SLC36A1: variants seen among roughly 807,000 people sequenced by gnomAD.
SLC36A1 encodes the protein solute carrier family 36 member 1.
Under a neutral mutation model 47.5 loss-of-function variants are expected in SLC36A1, and 30 were observed. The observed-to-expected ratio is 0.63, with a 90% CI of 0.47 to 0.86. The LOEUF (loss-of-function observed/expected upper bound fraction) is 0.86, where lower values mean the gene tolerates loss of function less well. Ranked by LOEUF, SLC36A1 falls within the 40% of genes least tolerant of loss-of-function variation. The probability of loss-of-function intolerance (pLI) is 0.00; values close to 1 mark genes in which losing one functional copy is unlikely to be tolerated. For synonymous variants in SLC36A1, 255 were observed against 249.7 expected, an observed-to-expected ratio of 1.02 and a Z score of -0.20; for missense variants, 517 against 606.0, an observed-to-expected ratio of 0.85 and a Z score of 1.54.
chr5:151,477,899 C>G (rs771015472), intron 9 of SLC36A1, among the ~76,000 whole-genome samples: 1 of 152,182 alleles, frequency 6.6e-6, no homozygotes, highest in Non-Finnish European at 1.5e-5. Context: ...TTTCCTAACA[C>G]CCCAAACCCA....
At chr5:151,512,217 G>A in the SLC36A1 span, 1 of 1,614,246 alleles carries the variant, frequency 6.2e-7, no homozygotes, top group Non-Finnish European at 8.5e-7. The surrounding 1 kb of genome is among the most constrained non-coding windows in gnomAD (Gnocchi z 4.1). Context: ...TGTTCTGGCT[G>A]CAGTAGTCAC....
intron 2 of SLC36A1, among the ~76,000 whole-genome samples, chr5:151,460,671 G>A (rs1202645644): frequency 1.5e-4 from 23 of 151,982 alleles, no homozygotes; most frequent in South Asian, 6.3e-4. Flanking sequence ...TAGGATCCAC[G>A]CAAGGATTTA....
At chr5:151,425,705 C>T in the SLC36A1 span, among the ~76,000 whole-genome samples, 6 of 152,034 alleles carry the variant, frequency 3.9e-5, no homozygotes, top group Admixed American at 1.3e-4. Flanking sequence ...TATCTAGAAA[C>T]GAAATTCACA....
chr5:151,467,073 A>G (rs748439484), intron 5 of SLC36A1, 126 bp from the exon 6 acceptor site: 129 of 710,436 alleles, frequency 1.8e-4, no homozygotes, highest in Admixed American at 7.3e-5. Flanking sequence ...CAGTATATCC[A>G]TTTAACAAAA....
chr5:151,416,252 T>C, the SLC36A1 span, among the ~76,000 whole-genome samples: 25,546 of 152,154 alleles, frequency 0.17, 2,390 homozygotes, highest in East Asian at 0.38. Context: ...CCTCTTTGTG[T>C]TTACATGCAC....
At chr5:151,398,118 A>G in the SLC36A1 span, among the ~76,000 whole-genome samples, 2 of 152,210 alleles carry the variant, frequency 1.3e-5, no homozygotes. Flanking sequence ...ACCTGTCTCA[A>G]AAGAAAAAAT....
At chr5:151,480,943 A>G (rs962619835) in intron 10 of SLC36A1, among the ~76,000 whole-genome samples, 1 of 152,202 alleles carries the variant, frequency 6.6e-6, no homozygotes, top group African/African-American at 2.4e-5. Flanking sequence ...CTTCCTGACT[A>G]AACAGCTCCT....
chr5:151,543,630 C>G, the SLC36A1 span: 2 of 1,614,186 alleles, frequency 1.2e-6, no homozygotes, highest in Non-Finnish European at 1.7e-6. Context: ...AATCAATCAC[C>G]TTGGTTCCAA....
At chr5:151,548,066 C>T in the SLC36A1 span, among the ~76,000 whole-genome samples, 1 of 152,110 alleles carries the variant, frequency 6.6e-6, no homozygotes, top group African/African-American at 2.4e-5. Flanking sequence ...TCACAAAAAG[C>T]AAGCAATGCA....
chr5:151,541,892 C>A, the SLC36A1 span, among the ~76,000 whole-genome samples: 1 of 152,022 alleles, frequency 6.6e-6, no homozygotes, highest in Non-Finnish European at 1.5e-5. Flanking sequence ...CACAACTTTA[C>A]CTGGGTAGGA....
the SLC36A1 span, among the ~76,000 whole-genome samples, chr5:151,360,988 C>T: frequency 1.3e-5 from 2 of 152,146 alleles, no homozygotes; most frequent in Non-Finnish European, 2.9e-5. Context: ...TTGATTGGCT[C>T]TGTTGTATTA....
intron 1 of SLC36A1, among the ~76,000 whole-genome samples, chr5:151,439,198 C>A (rs571615354): frequency 1.8e-3 from 274 of 152,228 alleles, no homozygotes; most frequent in Non-Finnish European, 3.1e-3. Context: ...ATCACTAGAA[C>A]AGCATGGGGG....
the SLC36A1 span, chr5:151,521,790 G>A: frequency 1.4e-5 from 23 of 1,614,178 alleles, no homozygotes; most frequent in Middle Eastern, 1.6e-4. Context: ...TGACCGTGAC[G>A]TTGAACGAGT....
Position 151,488,444 on chromosome 5 carries a change from G to T in SLC36A1, c.*190G>T. On this transcript the variant is annotated 3_prime_UTR_variant, in exon 11 of 11. Coordinates refer to ENST00000243389, the MANE Select transcript of SLC36A1 (RefSeq NM_078483.4). Reference sequence around the variant, plus strand: ...AGGGGAGAGGTGGGGTGGCAGACACGCAGAAGTGCTACTAGTGACAGGGCT... The same window carrying T: ...AGGGGAGAGGTGGGGTGGCAGACACTCAGAAGTGCTACTAGTGACAGGGCT... 1 of 684,494 alleles carries T rather than the reference G, an allele frequency of 1.5e-6. No individual in the cohort carries two copies. The highest frequency in any genetic ancestry group is 2.4e-6 in the Non-Finnish European group (1 of 415,082). The allele number at this position is 684,494 out of a possible 1,614,324, so 42.4% of individuals were successfully genotyped here.
the SLC36A1 span, among the ~76,000 whole-genome samples, chr5:151,373,320 T>TAC: frequency 8.0e-5 from 12 of 150,794 alleles, no homozygotes; most frequent in East Asian, 3.9e-4. Flanking sequence ...ACCAACACAA[T>TAC]ACACACACAC....
Position 151,467,899 on chromosome 5 carries a change from G to T in SLC36A1, c.697G>T (p.Val233Phe). 6.2e-7 allele frequency: 1 copy of T among 1,613,598 alleles called. No individual in the cohort carries two copies. Among genetic ancestry groups the T allele is most frequent in the Non-Finnish European group, 8.5e-7 (1 of 1,179,930 alleles). The stretch of plus-strand genomic sequence containing the variant: ...CAACATCACCATGCTGGTCAGCTTG[G>T]TCATGATCTACCAGTTCATTGTTCA... ...LANITMLVSL[V>F]MIYQFIVQRI... The change falls in exon 7 of 11, where the codon GTC (valine) becomes TTC (phenylalanine). Residue 233 changes from valine (V) to phenylalanine (F), a missense_variant. Coordinates refer to ENST00000243389, the MANE Select transcript of SLC36A1 (RefSeq NM_078483.4).
the SLC36A1 span, chr5:151,531,565 G>C: frequency 6.2e-7 from 1 of 1,611,540 alleles, no homozygotes; most frequent in Non-Finnish European, 8.5e-7. This position sits in a 1 kb window ranked among gnomAD's most constrained non-coding sequence, Gnocchi z 5.7. Flanking sequence ...ATGCTTTGGG[G>C]CTTGGTGGAT....
upstream of SLC36A1, among the ~76,000 whole-genome samples, chr5:151,432,676 A>G (rs1278688574): frequency 6.6e-6 from 1 of 152,190 alleles, no homozygotes; most frequent in African/African-American, 2.4e-5. Flanking sequence ...ACCCAACCAG[A>G]TGAACTCTTT....
the SLC36A1 span, among the ~76,000 whole-genome samples, chr5:151,429,919 C>T: frequency 2.6e-5 from 4 of 152,172 alleles, no homozygotes; most frequent in African/African-American, 9.7e-5. Flanking sequence ...TAGACTTCTT[C>T]AGAAACCCAT....
Sources: gnomAD v4.1 joint callset for allele counts (sites outside exome capture counted in the v4.1 genomes callset) on GRCh38, gnomAD v4.1.1 for gene constraint, Gnocchi (gnomAD v3.1) non-coding constraint, MANE v1.5 for transcripts, NCBI Gene and HGNC (gene_info 2026-07-23, HGNC 2026-07-21) for gene names.